FAM120C: variants seen among roughly 807,000 people sequenced by gnomAD.
FAM120C encodes the protein family with sequence similarity 120 member C.
Under a neutral mutation model 71.2 loss-of-function variants are expected in FAM120C, and 14 were observed. The observed-to-expected ratio is 0.20, with a 90% confidence interval of 0.13 to 0.31. The LOEUF (loss-of-function observed/expected upper bound fraction) is 0.31. Among genes scored for constraint, FAM120C ranks in the 10% least tolerant of loss-of-function variants. FAM120C has a pLI of 1.00. For missense variants in FAM120C, 500 were observed against 879.0 expected (o/e 0.57, Z 5.45); for synonymous variants, 354 against 353.2 (o/e 1.00, Z -0.03).
In FAM120C at chrX:54,069,832, C is replaced by T. The variant is rs1271136415; in HGVS notation, c.*3201G>A. On this transcript the variant is annotated 3_prime_UTR_variant, in exon 16 of 16. Coordinates refer to ENST00000375180, the MANE Select transcript of FAM120C (RefSeq NM_017848.6). Reference sequence around the variant, plus strand: ...CTGGTCCAGACCAGACTGGACTGGTCACTGACTAAGTAAGAGTAGGAGTTA... The same window carrying T: ...CTGGTCCAGACCAGACTGGACTGGTTACTGACTAAGTAAGAGTAGGAGTTA... The T allele has an allele frequency of 8.9e-6, 1 of 111,746 alleles. No individual in the cohort carries two copies. Among genetic ancestry groups the T allele is most frequent in the African/African-American group, 3.3e-5 (1 of 30,760 alleles). The allele number at this position is 111,746 out of a possible 1,213,427, so 9.2% of individuals were successfully genotyped here.
At chrX:54,140,113 G>C (rs2067116669) in intron 4 of FAM120C, among the ~76,000 whole-genome samples, 1 of 107,835 alleles carries the variant, frequency 9.3e-6, no homozygotes, top group Non-Finnish European at 1.9e-5. Context: ...AGGACAACAT[G>C]GTGAAATCCC....
intron 10 of FAM120C, among the ~76,000 whole-genome samples, chrX:54,105,923 G>GA (rs1237755050): frequency 8.9e-6 from 1 of 111,801 alleles, no homozygotes; most frequent in Non-Finnish European, 1.9e-5. Flanking sequence ...ACAAACAAAT[G>GA]AAAAAACATT....
chrX:54,139,293 A>G (rs2067110696), intron 4 of FAM120C, among the ~76,000 whole-genome samples: 1 of 109,937 alleles, frequency 9.1e-6, no homozygotes, highest in Admixed American at 9.7e-5. Context: ...AAACATGTAT[A>G]ATGTTATCTC....
At position 54,183,190 on chromosome X, in the gene FAM120C, G is replaced by A. The variant is rs1296059514; in HGVS notation, c.9C>T (p.Val3=). MG[V]QGFQEFLEKR... is the part of the protein sequence containing the mutation. ...TCTCCAGGAACTCTTGGAAGCCCTG[G>A]ACACCCATGCTTCGTCGGTGGGCAG... Residue 3 remains valine, a synonymous_variant, in exon 1 of 16, where the codon GTC becomes GTT. Coordinates refer to ENST00000375180, the MANE Select transcript of FAM120C (RefSeq NM_017848.6). 1.8e-6 allele frequency: 2 copies of A among 1,121,421 alleles called. No homozygotes were observed. Among genetic ancestry groups the A allele is most frequent in the Admixed American group, 3.0e-5 (1 of 33,833 alleles). The allele number at this position is 1,121,421 out of a possible 1,213,427, so 92.4% of individuals were successfully genotyped here. A position where few individuals can be genotyped will look rare whatever the true frequency, so the allele number is the denominator to read the frequency against.
rs2066866212 is a variant in FAM120C, at chrX:54,098,564, ATTTCCCT to A, written c.2313-7145_2313-7139del. Among the ~76,000 whole-genome samples, 3 of 111,157 alleles carry A rather than the reference ATTTCCCT, an allele frequency of 2.7e-5. No individual in the cohort carries two copies. The East Asian group carries it at 8.5e-4, about 31-fold the overall frequency. ...GTTTCTCATTGTTGTTATGATTTGCATTTCCCTGATGATCATTTTTTCATGTGCTTAT... is the reference window on the plus strand; with the variant it reads ...GTTTCTCATTGTTGTTATGATTTGCAGATGATCATTTTTTCATGTGCTTAT... On this transcript the variant is annotated intron_variant, in intron 10 of 15. Coordinates refer to ENST00000375180, the MANE Select transcript of FAM120C (RefSeq NM_017848.6).
chrX:54,096,622 A>C (rs2146570964), intron 10 of FAM120C, among the ~76,000 whole-genome samples: 1 of 111,507 alleles, frequency 9.0e-6, no homozygotes, highest in African/African-American at 3.2e-5. Context: ...CTTTTCAAAA[A>C]CATGATTAAT....
At chrX:54,111,363 A>G (rs2066936409) in intron 10 of FAM120C, among the ~76,000 whole-genome samples, 3 of 111,472 alleles carry the variant, frequency 2.7e-5, no homozygotes, top group African/African-American at 9.8e-5. Context: ...TTTGCTGATG[A>G]TATCATCTTA....
At chrX:54,174,269 T>G (rs184802250) in intron 1 of FAM120C, 13 of 474,099 alleles carry the variant, frequency 2.7e-5, no homozygotes, top group Non-Finnish European at 4.2e-5. Context: ...TTTGTTGTAG[T>G]CTGCTCATCA....
intron 4 of FAM120C, among the ~76,000 whole-genome samples, chrX:54,142,104 A>T (rs1557131744): frequency 8.9e-6 from 1 of 112,104 alleles, no homozygotes; most frequent in African/African-American, 3.2e-5. Context: ...AATTTATATG[A>T]AAAGGGAGGA....
At chrX:54,168,635 C>T (rs2067272215) in intron 1 of FAM120C, among the ~76,000 whole-genome samples, 1 of 112,108 alleles carries the variant, frequency 8.9e-6, no homozygotes, top group African/African-American at 3.2e-5. Flanking sequence ...GTACATAGAC[C>T]ACTCACACGG....
At chrX:54,178,797 G>C (rs1281953788) in intron 1 of FAM120C, among the ~76,000 whole-genome samples, 5 of 111,780 alleles carry the variant, frequency 4.5e-5, no homozygotes, top group African/African-American at 1.6e-4. Flanking sequence ...GCACAAAATG[G>C]TATCTGTTCT....
chrX:54,122,994 A>T (rs2067005452), intron 9 of FAM120C, among the ~76,000 whole-genome samples: 1 of 17,485 alleles, frequency 5.7e-5, no homozygotes. Flanking sequence ...GTTTGGCTGG[A>T]TATGAGATTC....
intron 9 of FAM120C, among the ~76,000 whole-genome samples, chrX:54,118,939 C>G (rs2066991569): frequency 2.6e-5 from 1 of 38,084 alleles, no homozygotes; most frequent in Non-Finnish European, 4.6e-5. Context: ...TGTTCAGTTC[C>G]CACCTATGAG....
intron 9 of FAM120C, among the ~76,000 whole-genome samples, chrX:54,117,318 A>C (rs1557126721): frequency 9.4e-6 from 1 of 106,851 alleles, no homozygotes; most frequent in Non-Finnish European, 1.9e-5. Flanking sequence ...TTCCCACTGC[A>C]CTCCAGCCTG....
chrX:54,140,423 A>T (rs1303684324), intron 4 of FAM120C, among the ~76,000 whole-genome samples: 7 of 108,612 alleles, frequency 6.4e-5, no homozygotes, highest in Non-Finnish European at 1.1e-4. Flanking sequence ...GTTCGAGACC[A>T]GCCTGGCAAA....
chrX:54,158,330 C>CAT (rs2067220103), intron 2 of FAM120C, among the ~76,000 whole-genome samples: 1 of 112,469 alleles, frequency 8.9e-6, no homozygotes, highest in Non-Finnish European at 1.9e-5. Flanking sequence ...GCTGACTCCA[C>CAT]TATATTATCC....
rs2067095520 is a variant in FAM120C at position 54,136,576 on chromosome X, A to G, written c.1173T>C (p.Asp391=). 2 of 1,203,453 alleles carry G rather than the reference A, an allele frequency of 1.7e-6. No homozygotes were observed. The highest frequency in any genetic ancestry group is 1.8e-5 in the South Asian group (1 of 56,614). Residue 391 remains aspartate, a synonymous_variant, in exon 5 of 16, where the codon GAT becomes GAC. Transcript: ENST00000375180. ...VFKQSQSRTE[D]KIERFKKAVE... Reference sequence around the variant, plus strand: ...CTGCTTTCTTGAATCGCTCTATTTTATCTTCTGTCCTGGACTGGATGTTGG... The same window carrying G: ...CTGCTTTCTTGAATCGCTCTATTTTGTCTTCTGTCCTGGACTGGATGTTGG...
chrX:54,180,664 G>A (rs1557137250), intron 1 of FAM120C, among the ~76,000 whole-genome samples: 1 of 111,899 alleles, frequency 8.9e-6, no homozygotes, highest in Non-Finnish European at 1.9e-5. Context: ...ATGAGCTTTG[G>A]AGGAAGACCA....
intron 3 of FAM120C, among the ~76,000 whole-genome samples, chrX:54,157,095 C>CA (rs1386528552): frequency 1.8e-5 from 2 of 110,195 alleles, no homozygotes; most frequent in African/African-American, 6.6e-5. Context: ...CATGTCTGAT[C>CA]AATAGTGAGG....
Sources: gnomAD v4.1 joint callset for allele counts (sites outside exome capture counted in the v4.1 genomes callset) on GRCh38, gnomAD v4.1.1 for gene constraint, MANE v1.5 for transcripts, NCBI Gene and HGNC (gene_info 2026-07-23, HGNC 2026-07-21) for gene names.